Variants in ARHGEF6 observed in about 807,000 individuals in gnomAD.
ARHGEF6 encodes rho guanine nucleotide exchange factor 6.
A neutral mutation model predicts 70.3 loss-of-function variants in ARHGEF6; 9 were observed. That is an observed-to-expected ratio of 0.13 (90% CI 0.08 to 0.22). The LOEUF is 0.22. ARHGEF6 is among the 10% of genes least tolerant of loss of function. The pLI is 1.00. For missense variants in ARHGEF6, 470 were observed against 563.0 expected (o/e 0.83, Z 1.67); for synonymous variants, 201 against 207.8 (o/e 0.97, Z 0.28).
At chrX:136,707,136 C>T in intron 8 of ARHGEF6, 106 bp from the exon 9 acceptor site, 1 of 1,014,292 alleles carries the variant, frequency 9.9e-7, no homozygotes, top group South Asian at 2.0e-5. Flanking sequence ...GAATATTTTG[C>T]CAAGGTTAAA....
At chrX:136,679,752 T>G in intron 15 of ARHGEF6, 92 bp from the exon 16 acceptor site, 1 of 1,086,319 alleles carries the variant, frequency 9.2e-7, no homozygotes, top group Non-Finnish European at 1.3e-6. Context: ...TTCATTGGAT[T>G]AGCAAAGACA....
At chrX:136,758,186 G>A (rs2077230146) in intron 2 of ARHGEF6, among the ~76,000 whole-genome samples, 1 of 104,573 alleles carries the variant, frequency 9.6e-6, no homozygotes, top group Admixed American at 1.0e-4. Context: ...GAGTAGCTGG[G>A]ACTACAGGCA....
rs947533036 is a variant in ARHGEF6 at position 136,675,165 on chromosome X, A to C, written c.1946-69T>G. The stretch of plus-strand genomic sequence containing the variant: ...TTGGACCCTCAAAATGATGCAGCAC[A>C]CTCCACTGCCTGGGACTGGCTTCTC... On this transcript the variant is annotated intron_variant, in intron 18 of 21. Coordinates refer to ENST00000250617, the MANE Select transcript of ARHGEF6 (RefSeq NM_004840.3). 7.5e-6 allele frequency: 7 copies of C among 939,399 alleles called. No homozygotes were observed. In the African/African-American group the frequency reaches 7.7e-5, roughly 10 times the overall value. The allele number at this position is 939,399 out of a possible 1,213,427, so 77.4% of individuals were successfully genotyped here. A position where few individuals can be genotyped will look rare whatever the true frequency, so the allele number is the denominator to read the frequency against.
intron 6 of ARHGEF6, among the ~76,000 whole-genome samples, chrX:136,730,912 T>C (rs2076928690): frequency 9.0e-6 from 1 of 111,596 alleles, no homozygotes; most frequent in Non-Finnish European, 1.9e-5. Context: ...AGCAGAGTGA[T>C]GATATGCTCC....
chrX:136,728,252 G>A (rs1464789632), intron 6 of ARHGEF6, among the ~76,000 whole-genome samples: 1 of 111,348 alleles, frequency 9.0e-6, no homozygotes, highest in Non-Finnish European at 1.9e-5. Context: ...TGTCCCTCAA[G>A]GATGCTAAGT....
At chrX:136,731,700 C>T (rs1285216579) in intron 6 of ARHGEF6, among the ~76,000 whole-genome samples, 1 of 112,190 alleles carries the variant, frequency 8.9e-6, no homozygotes, top group East Asian at 2.8e-4. Context: ...ATAATGAAGT[C>T]ATTGATTCTA....
At position 136,767,194 on chromosome X, in the gene ARHGEF6, G is replaced by GCGCCGC. The variant is rs2077324287; in HGVS notation, c.249+12214_249+12219dup. 1.3e-5 allele frequency: 10 copies of GCGCCGC among 754,214 alleles called. No homozygotes were observed. The South Asian group carries it at 5.4e-4, about 41-fold the overall frequency. The allele number at this position is 754,214 out of a possible 1,213,427, so 62.2% of individuals were successfully genotyped here. A position where few individuals can be genotyped will look rare whatever the true frequency, so the allele number is the denominator to read the frequency against. ...CTCCAGCTGCTCCCTCACTCCAGCC[G>GCGCCGC]CGCCGCCGCCGCCTCCTGGAAGCCG... On this transcript the variant is annotated intron_variant, in intron 2 of 21. Coordinates refer to ENST00000250617, the MANE Select transcript of ARHGEF6 (RefSeq NM_004840.3).
At chrX:136,732,035 T>C (rs962336822) in intron 6 of ARHGEF6, 67 bp downstream of exon 6, 2 of 873,805 alleles carry the variant, frequency 2.3e-6, no homozygotes, top group Non-Finnish European at 3.3e-6. Context: ...AACACATCAA[T>C]GGTTTGACAA....
At chrX:136,717,530 A>G (rs2076749012) in intron 6 of ARHGEF6, among the ~76,000 whole-genome samples, 1 of 112,236 alleles carries the variant, frequency 8.9e-6, no homozygotes, top group Admixed American at 9.4e-5. Flanking sequence ...ATGAAGAAGG[A>G]AAGAATATTA....
intron 20 of ARHGEF6, among the ~76,000 whole-genome samples, chrX:136,669,745 A>G: frequency 8.9e-6 from 1 of 111,940 alleles, no homozygotes; most frequent in East Asian, 2.8e-4. Context: ...GCTAAATGCA[A>G]TGTCATTACA....
rs941563806 is a variant in ARHGEF6, at chrX:136,690,826, G to A, written c.1047-78C>T. 7.5e-6 allele frequency: 8 copies of A among 1,063,785 alleles called. No homozygotes were observed. The African/African-American group carries it at 1.5e-4, about 20-fold the overall frequency. The allele number at this position is 1,063,785 out of a possible 1,213,427, so 87.7% of individuals were successfully genotyped here. A position where few individuals can be genotyped will look rare whatever the true frequency, so the allele number is the denominator to read the frequency against. The stretch of plus-strand genomic sequence containing the variant: ...ATTATCAACCTAAAATTATTTTACT[G>A]TATTTCACACAATATAAAGCCAAAT... On this transcript the variant is annotated intron_variant, in intron 9 of 21. Transcript: ENST00000250617.
At chrX:136,749,560 C>T (rs1450112151) in intron 2 of ARHGEF6, among the ~76,000 whole-genome samples, 1 of 111,929 alleles carries the variant, frequency 8.9e-6, no homozygotes, top group Non-Finnish European at 1.9e-5. Flanking sequence ...TATTAAATGC[C>T]TATACATGGC....
At chrX:136,707,705 C>T (rs866350606) in intron 8 of ARHGEF6, among the ~76,000 whole-genome samples, 50 of 111,512 alleles carry the variant, frequency 4.5e-4, no homozygotes, top group African/African-American at 1.6e-3. Flanking sequence ...TAATCTAGAT[C>T]CCTCTTGGCC....
In ARHGEF6 at chrX:136,669,500, C is replaced by T. The variant is rs753842868; in HGVS notation, c.2172G>A (p.Glu724=). 2 of 1,207,525 alleles carry T rather than the reference C, an allele frequency of 1.7e-6. No individual in the cohort carries two copies. The highest frequency in any genetic ancestry group is 3.0e-5 in the East Asian group (1 of 33,772). Reference sequence around the variant, plus strand: ...TTATTACCTGCTTCAGTTCTCTGACCTCGTCCTTCAAGGCGTAAACAGTAT... The same window carrying T: ...TTATTACCTGCTTCAGTTCTCTGACTTCGTCCTTCAAGGCGTAAACAGTAT... ...LVDTVYALKD[E]VRELKQENKR... Residue 724 remains glutamate (E), a synonymous_variant, in exon 21 of 22, where the codon GAG becomes GAA. Coordinates refer to ENST00000250617, the MANE Select transcript of ARHGEF6 (RefSeq NM_004840.3).
Position 136,705,268 on chromosome X carries a change from C to T in ARHGEF6, c.1046+1640G>A, listed in dbSNP as rs183376781. ...AGAGGTTGCAGTTGTGCTCCAGCCT[C>T]GGTGACAGAGCAAGACTCTGTCAAA... On this transcript the variant is annotated intron_variant, in intron 9 of 21. Transcript: ENST00000250617. Among the ~76,000 whole-genome samples the T allele has an allele frequency of 7.9e-3, 805 of 102,228 alleles. 1 individual carries two copies. The highest frequency in any genetic ancestry group is 0.048 in the South Asian group (99 of 2,082). The allele number at this position is 102,228 out of a possible 115,157, so 88.8% of individuals were successfully genotyped here. A position where few individuals can be genotyped will look rare whatever the true frequency, so the allele number is the denominator to read the frequency against.
chrX:136,692,373 T>G (rs1046172232), intron 9 of ARHGEF6, among the ~76,000 whole-genome samples: 4 of 111,455 alleles, frequency 3.6e-5, no homozygotes, highest in Non-Finnish European at 5.7e-5. Flanking sequence ...ACTACAGGCA[T>G]GAACCACCGC....
At chrX:136,698,282 G>T (rs953564885) in intron 9 of ARHGEF6, among the ~76,000 whole-genome samples, 2 of 111,079 alleles carry the variant, frequency 1.8e-5, no homozygotes, top group Non-Finnish European at 3.8e-5. Flanking sequence ...AAATCTTTAA[G>T]CAAAAGAACA....
intron 20 of ARHGEF6, among the ~76,000 whole-genome samples, chrX:136,670,309 C>T (rs1221080323): frequency 8.9e-6 from 1 of 111,984 alleles, no homozygotes; most frequent in African/African-American, 3.2e-5. Context: ...ACATTGTACA[C>T]CTTTGTCAAT....
chrX:136,780,071 T>G, intron 1 of ARHGEF6, among the ~76,000 whole-genome samples: 1 of 112,275 alleles, frequency 8.9e-6, no homozygotes, highest in Middle Eastern at 4.6e-3. Context: ...TAAGCTTACT[T>G]AAAGTGCCTA....
Sources: allele counts gnomAD v4.1 joint callset (sites outside exome capture counted in the v4.1 genomes callset), GRCh38; gene constraint gnomAD v4.1.1; transcripts MANE v1.5; gene names NCBI Gene and HGNC (gene_info 2026-07-23, HGNC 2026-07-21).